Variants in LARS2 observed in about 807,000 individuals in gnomAD.
The protein encoded by LARS2 is leucine--tRNA ligase, mitochondrial.
Under a neutral mutation model 116.6 loss-of-function variants are expected in LARS2, and 81 were observed. The ratio of observed to expected loss-of-function variants is 0.69; its 90% CI spans 0.58 to 0.84. The LOEUF is 0.84. LARS2 is among the 40% of genes least tolerant of loss of function. The pLI, the probability that LARS2 is intolerant of heterozygous loss-of-function variation, is 0.00. For missense variants in LARS2, 968 were observed against 1,114.5 expected (o/e 0.87, Z 1.87); for synonymous variants, 396 against 407.2 (o/e 0.97, Z 0.33).
chr3:45,419,619 G>T, intron 5 of LARS2, 50 bp from the exon 6 acceptor site: 2 of 1,326,952 alleles, frequency 1.5e-6, no homozygotes, highest in Non-Finnish European at 2.2e-6. Context: ...AGTTGTGTAT[G>T]GCTTTAATCC....
rs749222943 is a variant in LARS2 at position 45,458,686 on chromosome 3, CAA to C, written c.607-46_607-45del. 846 of 1,182,272 alleles carry C rather than the reference CAA, an allele frequency of 7.2e-4. 7 individuals are homozygous for C. Among genetic ancestry groups the C allele is most frequent in the Admixed American group, 1.4e-3 (70 of 48,440 alleles). The allele number at this position is 1,182,272 out of a possible 1,614,324, so 73.2% of individuals were successfully genotyped here. A position where few individuals can be genotyped will look rare whatever the true frequency, so the allele number is the denominator to read the frequency against. On this transcript the variant is annotated intron_variant, in intron 7 of 21. Coordinates refer to ENST00000645846, the MANE Select transcript of LARS2 (RefSeq NM_015340.4). ...CGGGCGACAGTGCGACACTCCCTGT[CAA>C]AAAAAAAAAAGAGTACTCACCAGAT...
At chr3:45,420,065 A>G (rs1405060173) in intron 6 of LARS2, among the ~76,000 whole-genome samples, 2 of 152,262 alleles carry the variant, frequency 1.3e-5, no homozygotes, top group Non-Finnish European at 2.9e-5. Flanking sequence ...ATATCAATCC[A>G]TCTGGTCCTT....
rs563746991 is a variant in LARS2 at position 45,429,864 on chromosome 3, G to C, written c.516+10135G>C. ...CTACAGGCACCTGCCACCACACCCAGCTGATTTTTGTATTTTTTTTGGAGA... is the reference window on the plus strand; with the variant it reads ...CTACAGGCACCTGCCACCACACCCACCTGATTTTTGTATTTTTTTTGGAGA... On this transcript the variant is annotated intron_variant, in intron 6 of 21. Transcript: ENST00000645846. 2.9e-4 allele frequency among the ~76,000 whole-genome samples: 44 copies of C among 151,336 alleles called. 2 individuals are homozygous for C. The South Asian group carries it at 8.2e-3, about 28-fold the overall frequency.
chr3:45,524,461 A>T (rs2125759420), intron 20 of LARS2, among the ~76,000 whole-genome samples: 1 of 152,348 alleles, frequency 6.6e-6, no homozygotes, highest in East Asian at 1.9e-4. Flanking sequence ...TACAGGTGGA[A>T]ATTAAGTTAT....
intron 8 of LARS2, among the ~76,000 whole-genome samples, chr3:45,459,852 G>A (rs1003990522): frequency 1.3e-5 from 2 of 152,200 alleles, no homozygotes; most frequent in Non-Finnish European, 2.9e-5. Flanking sequence ...GCATCATGAA[G>A]GACTACTTAT....
At chr3:45,462,332 C>G (rs1241364930) in intron 8 of LARS2, among the ~76,000 whole-genome samples, 2 of 151,908 alleles carry the variant, frequency 1.3e-5, no homozygotes, top group East Asian at 3.9e-4. Flanking sequence ...CCTGTAATCT[C>G]AGCACTTTGG....
chr3:45,439,340 C>A (rs1031870888), intron 6 of LARS2, among the ~76,000 whole-genome samples: 3 of 150,984 alleles, frequency 2.0e-5, no homozygotes, highest in Admixed American at 6.6e-5. Context: ...CCTGCCTCAG[C>A]CTCCCGAGTA....
intron 8 of LARS2, among the ~76,000 whole-genome samples, chr3:45,471,117 T>C (rs1699518750): frequency 6.7e-6 from 1 of 149,672 alleles, no homozygotes; most frequent in Non-Finnish European, 1.5e-5. Context: ...AATAGCTCTT[T>C]AAACAGCTGT....
chr3:45,400,186 G>C, intron 3 of LARS2, 59 bp from the exon 4 acceptor site: 1 of 1,486,922 alleles, frequency 6.7e-7, no homozygotes, highest in Non-Finnish European at 9.2e-7. Flanking sequence ...AAAATATTAT[G>C]TATACATGCA....
intron 6 of LARS2, among the ~76,000 whole-genome samples, chr3:45,428,239 G>T (rs1159991257): frequency 1.2e-3 from 101 of 84,136 alleles, no homozygotes; most frequent in Admixed American, 1.8e-3. Flanking sequence ...ATCTTAACCT[G>T]TTTTTTTTTT....
intron 7 of LARS2, among the ~76,000 whole-genome samples, chr3:45,454,809 C>T (rs1453304190): frequency 6.6e-6 from 1 of 152,166 alleles, no homozygotes. Context: ...ATGAGGGAAG[C>T]TATTGATAGA....
chr3:45,394,707 C>G lies in LARS2; in HGVS notation c.234+20C>G, dbSNP rs770781729. 2 of 1,557,290 alleles carry G rather than the reference C, an allele frequency of 1.3e-6. No homozygotes were observed. The highest frequency in any genetic ancestry group is 1.8e-6 in the Non-Finnish European group (2 of 1,128,696). On this transcript the variant is annotated intron_variant, in intron 3 of 21. Transcript: ENST00000645846. ...GCTGATGTGAGTATTCTGAGAGATT[C>G]TAAGAGGGTAGAGAAGAGGGGTTGA...
chr3:45,526,734 C>A (rs369687695), intron 20 of LARS2, among the ~76,000 whole-genome samples: 2 of 152,088 alleles, frequency 1.3e-5, no homozygotes, highest in African/African-American at 4.8e-5. Flanking sequence ...ATTTATGGGA[C>A]CTATTCCCAT....
At chr3:45,416,443 G>C (rs1698423615) in intron 4 of LARS2, among the ~76,000 whole-genome samples, 1 of 152,136 alleles carries the variant, frequency 6.6e-6, no homozygotes, top group Non-Finnish European at 1.5e-5. Context: ...GCCGGATTCA[G>C]GCAAGCCGTG....
chr3:45,486,326 A>G (rs1017062706), intron 11 of LARS2, among the ~76,000 whole-genome samples: 1 of 152,246 alleles, frequency 6.6e-6, no homozygotes, highest in Non-Finnish European at 1.5e-5. Context: ...AATTGAAGGC[A>G]TATTTAGAAC....
chr3:45,431,808 TC>T (rs1698719801), intron 6 of LARS2, among the ~76,000 whole-genome samples: 1 of 151,848 alleles, frequency 6.6e-6, no homozygotes. Flanking sequence ...GACAGAAGTC[TC>T]TCCCTATCAG....
chr3:45,464,490 G>A (rs1332601045), intron 8 of LARS2, among the ~76,000 whole-genome samples: 2 of 152,186 alleles, frequency 1.3e-5, no homozygotes, highest in Non-Finnish European at 2.9e-5. Flanking sequence ...CCAGAACAGA[G>A]GCTGGGTCAC....
chr3:45,455,683 A>G (rs1009040655), intron 7 of LARS2, among the ~76,000 whole-genome samples: 2 of 152,142 alleles, frequency 1.3e-5, no homozygotes, highest in African/African-American at 4.8e-5. Flanking sequence ...TTGGAGGGAT[A>G]TCTGTACACC....
chr3:45,453,595 A>G (rs142927956), intron 7 of LARS2, among the ~76,000 whole-genome samples: 19 of 152,328 alleles, frequency 1.2e-4, no homozygotes, highest in Non-Finnish European at 1.5e-4. Context: ...GTGGCTTTGG[A>G]ATGTTGTGAC....
Sources: allele counts gnomAD v4.1 joint callset (sites outside exome capture counted in the v4.1 genomes callset), GRCh38; gene constraint gnomAD v4.1.1; transcripts MANE v1.5; gene names NCBI Gene and HGNC (gene_info 2026-07-23, HGNC 2026-07-21).